Variants in IL11RA observed in about 807,000 individuals in gnomAD.
The protein encoded by IL11RA is interleukin-11 receptor subunit alpha.
Under a neutral mutation model 57.0 loss-of-function variants are expected in IL11RA, and 51 were observed. The ratio of observed to expected loss-of-function variants is 0.89; its 90% confidence interval spans 0.71 to 1.13. The LOEUF (loss-of-function observed/expected upper bound fraction) is 1.13. Among genes scored for constraint, IL11RA ranks in the 50% most tolerant of loss-of-function variants. The pLI is 0.00. For synonymous variants in IL11RA, 199 were observed against 217.5 expected (o/e 0.91, Z 0.75); for missense variants, 498 against 539.4 (o/e 0.92, Z 0.76).
chr9:34,661,352 T>A, intron 12 of IL11RA, 130 bp from the exon 13 acceptor site: 1 of 994,778 alleles, frequency 1.0e-6, no homozygotes, highest in South Asian at 1.3e-5. Flanking sequence ...AGAGGCTCCC[T>A]CAGAGCTGGG....
chr9:34,652,603 G>A (rs928236346), intron 1 of IL11RA, among the ~76,000 whole-genome samples: 2 of 152,150 alleles, frequency 1.3e-5, no homozygotes, highest in African/African-American at 4.8e-5. Context: ...GTCTGCCAGC[G>A]TGAGAGTGGG....
chr9:34,655,993 A>C, intron 3 of IL11RA: 1 of 394,184 alleles, frequency 2.5e-6, no homozygotes, highest in South Asian at 2.4e-5. Context: ...AGGGCAGAAA[A>C]ACCAAAGTGA....
In IL11RA at chr9:34,659,914, C is replaced by A. The variant is rs1821420224; in HGVS notation, c.952+14C>A. 6.2e-7 allele frequency: 1 copy of A among 1,613,586 alleles called. No individual in the cohort carries two copies. The highest frequency in any genetic ancestry group is 8.5e-7 in the Non-Finnish European group (1 of 1,179,790). ...CTCCGAGCACTGGTGAGAGACAAAG[C>A]CAAAGAAAAGGGCAGAGGCCCCATC... On this transcript the variant is annotated intron_variant, in intron 9 of 12. Coordinates refer to ENST00000441545, the MANE Select transcript of IL11RA (RefSeq NM_001142784.3).
At chr9:34,657,657 C>T (rs1023423179) in intron 7 of IL11RA, 70 bp downstream of exon 7, 3 of 1,431,676 alleles carry the variant, frequency 2.1e-6, no homozygotes, top group Admixed American at 3.7e-5. Context: ...GATCTCTCCA[C>T]TCCCAGAGTT....
Position 34,655,676 on chromosome 9 carries a change from C to T in IL11RA, c.161+11C>T. ...TGGAGTGACTGCCGGGTAAGTGCCCCACCTGCCTGTTGGTCTGACACTCAT... is the reference window on the plus strand; with the variant it reads ...TGGAGTGACTGCCGGGTAAGTGCCCTACCTGCCTGTTGGTCTGACACTCAT... On this transcript the variant is annotated intron_variant, in intron 3 of 12. Coordinates refer to ENST00000441545, the MANE Select transcript of IL11RA (RefSeq NM_001142784.3). 1.2e-5 allele frequency: 20 copies of T among 1,613,470 alleles called. No individual in the cohort carries two copies. Among genetic ancestry groups the T allele is most frequent in the Non-Finnish European group, 1.7e-5 (20 of 1,179,458 alleles).
Position 34,661,692 on chromosome 9 carries a change from GA to G in IL11RA, c.*195del. The stretch of plus-strand genomic sequence containing the variant: ...TACCTCTGATTTCACCCCAGAGTTG[GA>G]GTTCTGCTCAAGGAACGTGTGTAAT... On this transcript the variant is annotated 3_prime_UTR_variant, in exon 13 of 13. Coordinates refer to ENST00000441545, the MANE Select transcript of IL11RA (RefSeq NM_001142784.3). 1.4e-6 allele frequency: 1 copy of G among 740,496 alleles called. No homozygotes were observed. The highest frequency in any genetic ancestry group is 2.4e-6 in the Non-Finnish European group (1 of 424,958). 45.9% of individuals were successfully genotyped at this position (740,496 alleles called of 1,614,324 possible). A position where few individuals can be genotyped will look rare whatever the true frequency, so the allele number is the denominator to read the frequency against.
rs781414738 is a variant in IL11RA, at chr9:34,658,706, A to G, written c.810+23A>G. ...ACGGTGAGGCCTGGAGTGCGTCCCAACCCACGGCTGTGGGTCCTGTCTCTG... is the reference window on the plus strand; with the variant it reads ...ACGGTGAGGCCTGGAGTGCGTCCCAGCCCACGGCTGTGGGTCCTGTCTCTG... On this transcript the variant is annotated intron_variant, in intron 8 of 12. Transcript: ENST00000441545. The surrounding 1 kb of genome is among the most constrained non-coding windows in gnomAD (Gnocchi z 4.0). The G allele has an allele frequency of 4.4e-6, 7 of 1,608,134 alleles. No homozygotes were observed. The South Asian group carries it at 6.6e-5, about 15-fold the overall frequency.
chr9:34,660,327 G>C lies in IL11RA; in HGVS notation c.1006G>C (p.Val336Leu). Residue 336 changes from valine to leucine, a missense_variant, in exon 10 of 13, where the codon GTG becomes CTG. Coordinates refer to ENST00000441545, the MANE Select transcript of IL11RA (RefSeq NM_001142784.3). ...GGGCCAGCTACACACGCAGCCAGAGGTGGAGCCTCAGGTGGACAGCCCTGC... is the reference window on the plus strand; with the variant it reads ...GGGCCAGCTACACACGCAGCCAGAGCTGGAGCCTCAGGTGGACAGCCCTGC... ...AWGQLHTQPE[V>L]EPQVDSPAPP... The C allele has an allele frequency of 6.2e-7, 1 of 1,614,244 alleles. No individual in the cohort carries two copies. The highest frequency in any genetic ancestry group is 8.5e-7 in the Non-Finnish European group (1 of 1,180,026).
Position 34,658,881 on chromosome 9 carries a change from T to G in IL11RA, c.810+198T>G, listed in dbSNP as rs1468508960. Among the ~76,000 whole-genome samples, 1 of 152,112 alleles carries G rather than the reference T, an allele frequency of 6.6e-6. No individual in the cohort carries two copies. The highest frequency in any genetic ancestry group is 2.4e-5 in the African/African-American group (1 of 41,410). On this transcript the variant is annotated intron_variant, in intron 8 of 12. Transcript: ENST00000441545. The surrounding 1 kb of genome is among the most constrained non-coding windows in gnomAD (Gnocchi z 4.0). ...TGTCTGTCCTGTGGGGCTATAACTA[T>G]GAGGTAAAGCACATCTGTGGGAAGA...
intron 9 of IL11RA, 120 bp downstream of exon 9, chr9:34,660,020 G>A: frequency 7.4e-7 from 1 of 1,355,956 alleles, no homozygotes; most frequent in South Asian, 1.2e-5. Context: ...GGCAATTGCT[G>A]TCCCAGACTT....
rs762844418 is a variant in IL11RA, at chr9:34,658,658, C to A, written c.785C>A (p.Pro262Gln). Residue 262 changes from proline to glutamine, a missense_variant, in exon 8 of 13, where the codon CCG (proline) becomes CAG (glutamine). Transcript: ENST00000441545. This position sits in a 1 kb window ranked among gnomAD's most constrained non-coding sequence, Gnocchi z 4.0. ...CTCAAGTTCCGTTTGCAGTACCGTC[C>A]GGCGCAGCATCCAGCCTGGTCCACG... ...FLLKFRLQYR[P>Q]AQHPAWSTVE... The A allele has an allele frequency of 4.3e-6, 7 of 1,613,588 alleles. No homozygotes were observed. The highest frequency in any genetic ancestry group is 5.9e-6 in the Non-Finnish European group (7 of 1,180,042).
At chr9:34,652,658 A>G (rs1304570916) in intron 1 of IL11RA, among the ~76,000 whole-genome samples, 3 of 152,128 alleles carry the variant, frequency 2.0e-5, no homozygotes, top group African/African-American at 7.2e-5. Flanking sequence ...GCAGTAGCAG[A>G]GCAAAAGTGA....
In IL11RA at chr9:34,653,181, G is replaced by A. The variant is rs1344062419; in HGVS notation, c.-1+948G>A. On this transcript the variant is annotated intron_variant, in intron 1 of 12. Transcript: ENST00000441545. This position sits in a 1 kb window ranked among gnomAD's most constrained non-coding sequence, Gnocchi z 4.5. ...CCATGATGAAGAGTTGCTTTTAGGC[G>A]GTGCTGTGAGCCCTGGTAGGGGCTG... 1.3e-5 allele frequency among the ~76,000 whole-genome samples: 2 copies of A among 152,176 alleles called. No homozygotes were observed. The highest frequency in any genetic ancestry group is 2.9e-5 in the Non-Finnish European group (2 of 68,028).
intron 1 of IL11RA, 112 bp from the exon 2 acceptor site, chr9:34,655,106 C>A: frequency 2.6e-6 from 2 of 761,058 alleles, no homozygotes; most frequent in Non-Finnish European, 4.7e-6. Context: ...AGCCTTACCC[C>A]ACTTGGTGCA....
chr9:34,656,034 CT>C (rs556829448), intron 3 of IL11RA: 30,601 of 252,262 alleles, frequency 0.12, 229 homozygotes, highest in South Asian at 0.2. Flanking sequence ...TGAGTGGTTA[CT>C]TTTTTTTTTT....
At position 34,658,163 on chromosome 9, in the gene IL11RA, C is replaced by T. The variant is rs1217068172; in HGVS notation, c.647-357C>T. 6.6e-6 allele frequency among the ~76,000 whole-genome samples: 1 copy of T among 152,162 alleles called. No individual in the cohort carries two copies. Among genetic ancestry groups the T allele is most frequent in the Non-Finnish European group, 1.5e-5 (1 of 68,042 alleles). On this transcript the variant is annotated intron_variant, in intron 7 of 12. Transcript: ENST00000441545. The surrounding 1 kb of genome is among the most constrained non-coding windows in gnomAD (Gnocchi z 4.0). ...TCAAGCTATCCCCTCACCTCAGCCT[C>T]CCAAGTAGCTGGGATTACAGGCATG...
Position 34,660,325 on chromosome 9 carries a change from A to T in IL11RA, c.1004A>T (p.Glu335Val), listed in dbSNP as rs904107270. The change falls in exon 10 of 13, where the codon GAG (glutamate) becomes GTG (valine). Residue 335 changes from glutamate to valine, a missense_variant. Coordinates refer to ENST00000441545, the MANE Select transcript of IL11RA (RefSeq NM_001142784.3). ...TGGGGCCAGCTACACACGCAGCCAG[A>T]GGTGGAGCCTCAGGTGGACAGCCCT... ...PAWGQLHTQP[E>V]VEPQVDSPAP... 6.2e-7 allele frequency: 1 copy of T among 1,614,126 alleles called. No homozygotes were observed.
chr9:34,656,640 T>C, intron 3 of IL11RA, 99 bp from the exon 4 acceptor site: 2 of 1,382,892 alleles, frequency 1.4e-6, no homozygotes, highest in Non-Finnish European at 2.0e-6. Flanking sequence ...ATTTGGGTTC[T>C]ATTGCAAATG....
Position 34,659,793 on chromosome 9 carries a change from A to G in IL11RA, c.845A>G (p.Asp282Gly), listed in dbSNP as rs752054822. ...GCTGGACTGGAGGAGGTGATCACAG[A>G]TGCTGTGGCTGGGCTGCCCCATGCT... ...EPAGLEEVIT[D>G]AVAGLPHAVR... Residue 282 changes from aspartate (D) to glycine (G), a missense_variant, in exon 9 of 13, where the codon GAT becomes GGT. Coordinates refer to ENST00000441545, the MANE Select transcript of IL11RA (RefSeq NM_001142784.3). 1.2e-6 allele frequency: 2 copies of G among 1,614,184 alleles called. No homozygotes were observed. The highest frequency in any genetic ancestry group is 1.7e-6 in the Non-Finnish European group (2 of 1,180,024).
Sources: gnomAD v4.1 joint callset for allele counts (sites outside exome capture counted in the v4.1 genomes callset) on GRCh38, gnomAD v4.1.1 for gene constraint, Gnocchi (gnomAD v3.1) non-coding constraint, MANE v1.5 for transcripts, NCBI Gene and HGNC (gene_info 2026-07-23, HGNC 2026-07-21) for gene names.